RGS6: variants seen among roughly 807,000 people sequenced by gnomAD.
RGS6 encodes the protein regulator of G-protein signaling 6.
In RGS6, 30 loss-of-function variants were observed where a neutral mutation model predicts 78.5. The ratio of observed to expected loss-of-function variants is 0.38; its 90% CI spans 0.29 to 0.52. RGS6 has a LOEUF of 0.52. Among genes scored for constraint, RGS6 ranks in the 20% least tolerant of loss-of-function variants. The probability of loss-of-function intolerance (pLI) is 0.85; values close to 1 mark genes in which losing one functional copy is unlikely to be tolerated. For missense variants in RGS6, 495 were observed against 609.7 expected, an observed-to-expected ratio of 0.81 and a Z score of 1.98; for synonymous variants, 206 against 206.0, an observed-to-expected ratio of 1.00 and a Z score of 0.00.
intron 14 of RGS6, chr14:72,511,458 G>C (rs1366781865): frequency 6.6e-6 from 1 of 152,254 alleles, no homozygotes; most frequent in African/African-American, 2.4e-5. Context: ...TGCAAGTCAA[G>C]ATGTGTGATC....
chr14:72,054,500 AT>A, intron 2 of RGS6, among the ~76,000 whole-genome samples: 1 of 151,870 alleles, frequency 6.6e-6, no homozygotes, highest in East Asian at 1.9e-4. Flanking sequence ...CGTCCCTTGA[AT>A]TTTTTTTCTC....
At chr14:72,345,221 C>T (rs535912056) in intron 2 of RGS6, among the ~76,000 whole-genome samples, 21 of 152,300 alleles carry the variant, frequency 1.4e-4, no homozygotes, top group African/African-American at 5.1e-4. Context: ...CAGGCAACCA[C>T]AAGGGAAAGA....
intron 2 of RGS6, among the ~76,000 whole-genome samples, chr14:72,265,744 A>C (rs777405446): frequency 1.3e-5 from 2 of 151,946 alleles, no homozygotes; most frequent in Admixed American, 1.3e-4. Flanking sequence ...CACTCTTCAC[A>C]CATACATGTA....
chr14:72,408,740 C>G (rs906340133), intron 3 of RGS6, among the ~76,000 whole-genome samples: 3 of 152,126 alleles, frequency 2.0e-5, no homozygotes, highest in Non-Finnish European at 2.9e-5. Flanking sequence ...TGATAAAGAA[C>G]AGAAAAGGAC....
At chr14:71,955,912 G>T (rs556412270) in intron 1 of RGS6, among the ~76,000 whole-genome samples, 2 of 152,118 alleles carry the variant, frequency 1.3e-5, no homozygotes, top group African/African-American at 2.4e-5. Flanking sequence ...ATAAGAAAAA[G>T]GAAGATGGAG....
intron 2 of RGS6, among the ~76,000 whole-genome samples, chr14:72,158,206 G>A (rs964392632): frequency 2.6e-5 from 4 of 152,162 alleles, no homozygotes; most frequent in Admixed American, 6.5e-5. Context: ...CCTCAGGGCC[G>A]CGAGGGCAGG....
At chr14:72,579,312 G>A in the RGS6 span, among the ~76,000 whole-genome samples, 2 of 152,170 alleles carry the variant, frequency 1.3e-5, no homozygotes, top group Non-Finnish European at 2.9e-5. Context: ...GGCCATCACT[G>A]TCATGTGCCA....
chr14:72,502,770 AGAAAG>A (rs144742108), intron 13 of RGS6, among the ~76,000 whole-genome samples: 25,607 of 152,044 alleles, frequency 0.17, 2,413 homozygotes, highest in African/African-American at 0.27. Context: ...TCTCAAGAAA[AGAAAG>A]GAAAAGAAAA....
intron 2 of RGS6, among the ~76,000 whole-genome samples, chr14:71,985,338 G>A (rs779910079): frequency 6.6e-6 from 1 of 152,172 alleles, no homozygotes; most frequent in Admixed American, 6.5e-5. Context: ...TGGCCAGAAT[G>A]GTCTCGATCT....
rs185192054 is a variant in RGS6, at chr14:72,361,664, G to T, written c.184+9470G>T. 6.5e-4 allele frequency among the ~76,000 whole-genome samples: 99 copies of T among 152,336 alleles called. 1 individual carries two copies. Among genetic ancestry groups the T allele is most frequent in the African/African-American group, 2.3e-3 (95 of 41,580 alleles). ...AGAGGCCATGATACTGGAAGACTGAGCTGTGTGAATATTGAAATCACTACT... is the reference window on the plus strand; with the variant it reads ...AGAGGCCATGATACTGGAAGACTGATCTGTGTGAATATTGAAATCACTACT... On this transcript the variant is annotated intron_variant, in intron 3 of 17. Coordinates refer to ENST00000553525, the MANE Select transcript of RGS6 (RefSeq NM_001204424.2).
chr14:71,888,048 C>T, the RGS6 span, among the ~76,000 whole-genome samples: 5 of 152,090 alleles, frequency 3.3e-5, no homozygotes, highest in Non-Finnish European at 7.4e-5. Context: ...AAATTCCTCT[C>T]TTTATACTGT....
intron 14 of RGS6, chr14:72,516,929 C>T (rs1444323297): frequency 6.6e-6 from 1 of 152,178 alleles, no homozygotes; most frequent in Admixed American, 6.5e-5. Context: ...TTAAGGAGAT[C>T]ATCAGAATCC....
rs1566639903 is a variant in RGS6 at position 72,366,651 on chromosome 14, A to C, written c.184+14457A>C. Among the ~76,000 whole-genome samples, 5 of 152,190 alleles carry C rather than the reference A, an allele frequency of 3.3e-5. 1 individual carries two copies. The highest frequency in any genetic ancestry group is 6.3e-3 in the Middle Eastern group (2 of 316). On this transcript the variant is annotated intron_variant, in intron 3 of 17. Coordinates refer to ENST00000553525, the MANE Select transcript of RGS6 (RefSeq NM_001204424.2). ...AAGGGTACTTCAGAGCCACCCTACC[A>C]ATCCCTTTTCAGGACTACAGACCAA... is the stretch of plus-strand genomic sequence containing the variant.
intron 2 of RGS6, among the ~76,000 whole-genome samples, chr14:72,067,538 G>T (rs900080543): frequency 2.7e-5 from 4 of 147,548 alleles, no homozygotes; most frequent in Non-Finnish European, 6.0e-5. Context: ...GCAGGGTTTA[G>T]TGCGGCACTT....
chr14:72,128,051 T>G (rs2096241852), intron 2 of RGS6, among the ~76,000 whole-genome samples: 1 of 152,204 alleles, frequency 6.6e-6, no homozygotes, highest in Admixed American at 6.5e-5. Flanking sequence ...GACCACAGTT[T>G]AAACATTTGA....
chr14:72,183,514 A>T lies in RGS6; in HGVS notation c.85-168581A>T, dbSNP rs1430899404. 2.0e-5 allele frequency among the ~76,000 whole-genome samples: 3 copies of T among 152,194 alleles called. No homozygotes were observed. In the East Asian group the frequency reaches 5.8e-4, roughly 29 times the overall value. ...TGGGTCTGCAGTGGTTTGATCATTGACTCACTGAGAACAATTATTAATCTT... is the reference window on the plus strand; with the variant it reads ...TGGGTCTGCAGTGGTTTGATCATTGTCTCACTGAGAACAATTATTAATCTT... On this transcript the variant is annotated intron_variant, in intron 2 of 17. Transcript: ENST00000553525.
At chr14:72,164,451 G>T (rs2096897547) in intron 2 of RGS6, among the ~76,000 whole-genome samples, 1 of 152,218 alleles carries the variant, frequency 6.6e-6, no homozygotes, top group African/African-American at 2.4e-5. Context: ...GCAAGGATGA[G>T]TGAGGAGGGA....
chr14:71,956,804 G>A (rs1030524232), intron 1 of RGS6, among the ~76,000 whole-genome samples: 6 of 152,134 alleles, frequency 3.9e-5, no homozygotes, highest in Admixed American at 2.6e-4. Flanking sequence ...CATCACAAGG[G>A]GAGATGCAGG....
At chr14:72,430,163 C>T (rs146632963) in intron 3 of RGS6, among the ~76,000 whole-genome samples, 62 of 152,322 alleles carry the variant, frequency 4.1e-4, no homozygotes, top group African/African-American at 1.4e-3. Flanking sequence ...ATATAGCTCT[C>T]AAACTTCAGG....
Sources: allele counts gnomAD v4.1 joint callset (sites outside exome capture counted in the v4.1 genomes callset), GRCh38; gene constraint gnomAD v4.1.1; transcripts MANE v1.5; gene names NCBI Gene and HGNC (gene_info 2026-07-23, HGNC 2026-07-21).